The following ROBO2 variants were observed in gnomAD, a reference collection of about 807,000 sequenced individuals.
ROBO2 encodes roundabout homolog 2.
In ROBO2, 53 loss-of-function variants were observed where a neutral mutation model predicts 160.8. That is an observed-to-expected ratio of 0.33 (90% confidence interval 0.26 to 0.41). ROBO2 has a LOEUF of 0.41. ROBO2 is among the 10% of genes least tolerant of loss of function. The pLI is 1.00. For synonymous variants in ROBO2, 664 were observed against 611.7 expected, an observed-to-expected ratio of 1.09 and a Z score of -1.26; for missense variants, 1,577 against 1,722.4, an observed-to-expected ratio of 0.92 and a Z score of 1.49.
intron 2 of ROBO2, among the ~76,000 whole-genome samples, chr3:77,278,024 A>T (rs934481841): frequency 1.3e-5 from 2 of 152,132 alleles, no homozygotes; most frequent in Non-Finnish European, 2.9e-5. Flanking sequence ...ATAGTATCTC[A>T]TTGTGGTTTT....
At chr3:76,873,007 A>T (rs1461890168) in intron 2 of ROBO2, among the ~76,000 whole-genome samples, 1 of 152,140 alleles carries the variant, frequency 6.6e-6, no homozygotes, top group Non-Finnish European at 1.5e-5. Flanking sequence ...CAGATGATAT[A>T]TTGGTATTTT....
At chr3:77,231,363 CAA>C (rs60535204) in intron 2 of ROBO2, among the ~76,000 whole-genome samples, 6 of 59,666 alleles carry the variant, frequency 1.0e-4, no homozygotes, top group Admixed American at 2.3e-4. Context: ...AGACTCCATC[CAA>C]AAAAAAAAAA....
At chr3:77,211,698 A>G (rs541729547) in intron 2 of ROBO2, among the ~76,000 whole-genome samples, 31 of 152,228 alleles carry the variant, frequency 2.0e-4, no homozygotes, top group African/African-American at 6.7e-4. Flanking sequence ...TAGGGTTTTT[A>G]TGGTTTTAGG....
chr3:77,222,924 T>C (rs1165346442), intron 2 of ROBO2, among the ~76,000 whole-genome samples: 3 of 152,204 alleles, frequency 2.0e-5, no homozygotes, highest in Non-Finnish European at 4.4e-5. Context: ...CTTCCCTCTT[T>C]AAATATGCAT....
At chr3:76,462,053 A>C (rs561894145) in intron 2 of ROBO2, among the ~76,000 whole-genome samples, 2 of 152,258 alleles carry the variant, frequency 1.3e-5, no homozygotes, top group South Asian at 4.2e-4. Flanking sequence ...CTGAGTACAC[A>C]CATCATCTCT....
chr3:76,198,903 T>A (rs948376169), intron 2 of ROBO2, among the ~76,000 whole-genome samples: 1 of 152,180 alleles, frequency 6.6e-6, no homozygotes, highest in Non-Finnish European at 1.5e-5. Context: ...CATGTATTGA[T>A]TGATGTCTGC....
At chr3:76,063,172 C>A (rs189307010) in intron 2 of ROBO2, among the ~76,000 whole-genome samples, 9 of 152,124 alleles carry the variant, frequency 5.9e-5, no homozygotes, top group Non-Finnish European at 1.2e-4. Context: ...AATGAGTCAC[C>A]GTATCTGGCA....
chr3:76,882,086 TTGTGTGTGTGTG>T (rs10611502), intron 2 of ROBO2, among the ~76,000 whole-genome samples: 2 of 144,368 alleles, frequency 1.4e-5, no homozygotes, highest in Non-Finnish European at 1.5e-5. Context: ...CGTAGGTTGG[TTGTGTGTGTGTG>T]TGTGTGTGTG....
chr3:76,871,278 G>A (rs2072026767), intron 2 of ROBO2, among the ~76,000 whole-genome samples: 1 of 152,256 alleles, frequency 6.6e-6, no homozygotes, highest in South Asian at 2.1e-4. Context: ...CCTCTGGCCG[G>A]GCGCGGTGGC....
chr3:76,488,116 G>C (rs1332433764), intron 2 of ROBO2, among the ~76,000 whole-genome samples: 1 of 152,188 alleles, frequency 6.6e-6, no homozygotes, highest in East Asian at 1.9e-4. Flanking sequence ...CAAAGTGAAA[G>C]GGTTTGCATT....
chr3:76,574,719 G>A (rs2085177073), intron 2 of ROBO2, among the ~76,000 whole-genome samples: 2 of 152,024 alleles, frequency 1.3e-5, no homozygotes, highest in Non-Finnish European at 1.5e-5. Context: ...CTGTGAAATA[G>A]AACCGGGCTT....
chr3:76,782,178 C>T (rs2062688372), intron 2 of ROBO2, among the ~76,000 whole-genome samples: 1 of 150,694 alleles, frequency 6.6e-6, no homozygotes, highest in Admixed American at 6.6e-5. Context: ...GCTTAATTTT[C>T]ACATATTTGT....
At chr3:77,282,509 A>G (rs1425849553) in intron 2 of ROBO2, among the ~76,000 whole-genome samples, 22 of 152,000 alleles carry the variant, frequency 1.4e-4, no homozygotes. Flanking sequence ...TAAATATAAA[A>G]TAGATCTTAA....
intron 24 of ROBO2, among the ~76,000 whole-genome samples, chr3:77,635,262 T>C (rs1449899028): frequency 1.8e-5 from 2 of 109,502 alleles, no homozygotes; most frequent in East Asian, 5.9e-4. Flanking sequence ...TTCCATGCAA[T>C]TTTTTGAGGT....
intron 2 of ROBO2, among the ~76,000 whole-genome samples, chr3:76,531,777 A>G (rs1266216215): frequency 6.6e-6 from 1 of 152,108 alleles, no homozygotes. Flanking sequence ...CAATATGCCT[A>G]AAGTTTAGTT....
chr3:77,213,131 G>C (rs972797038), intron 2 of ROBO2, among the ~76,000 whole-genome samples: 1 of 152,110 alleles, frequency 6.6e-6, no homozygotes, highest in Non-Finnish European at 1.5e-5. Context: ...CTGTTGATTG[G>C]AATAGTTTCA....
At chr3:76,165,317 C>T (rs1366174849) in intron 2 of ROBO2, among the ~76,000 whole-genome samples, 1 of 151,078 alleles carries the variant, frequency 6.6e-6, no homozygotes, top group Non-Finnish European at 1.5e-5. Context: ...TTTCCTTCAA[C>T]CTCATGAGCT....
chr3:76,984,416 A>C (rs973219953), intron 2 of ROBO2, among the ~76,000 whole-genome samples: 2 of 152,206 alleles, frequency 1.3e-5, no homozygotes. Context: ...AAGAGAGTTT[A>C]GAAAAAGTAC....
intron 2 of ROBO2, among the ~76,000 whole-genome samples, chr3:76,367,832 A>G (rs1370281916): frequency 6.6e-6 from 1 of 151,962 alleles, no homozygotes; most frequent in Non-Finnish European, 1.5e-5. Context: ...TGAGATTATT[A>G]ATTCATTTCC....
Sources: allele counts gnomAD v4.1 joint callset (sites outside exome capture counted in the v4.1 genomes callset), GRCh38; gene constraint gnomAD v4.1.1; transcripts MANE v1.5; gene names NCBI Gene and HGNC (gene_info 2026-07-23, HGNC 2026-07-21).